Variants in COPG1 observed in about 807,000 individuals in gnomAD.
COPG1 encodes the protein coat protein complex I subunit gamma 1, also known as coatomer subunit gamma-1.
COPG1 carries 29 observed loss-of-function variants against 102.8 expected under a neutral mutation model. The observed-to-expected ratio is 0.28, with a 90% confidence interval of 0.21 to 0.38. COPG1 has a LOEUF of 0.38. Among genes scored for constraint, COPG1 ranks in the 10% least tolerant of loss-of-function variants. The pLI is 1.00. For synonymous variants in COPG1, 406 were observed against 421.6 expected (o/e 0.96, Z 0.45); for missense variants, 875 against 1,132.7 (o/e 0.77, Z 3.27).
chr3:129,250,102 T>C (rs1576957824), intron 1 of COPG1, among the ~76,000 whole-genome samples: 1 of 152,022 alleles, frequency 6.6e-6, no homozygotes, highest in East Asian at 1.9e-4. Context: ...CAAACTGGGG[T>C]GTAACCTGCG....
chr3:129,254,605 G>T, intron 5 of COPG1, 63 bp from the exon 6 acceptor site: 2 of 1,261,038 alleles, frequency 1.6e-6, no homozygotes, highest in Non-Finnish European at 2.3e-6. Context: ...GTGGTGTTGG[G>T]AGCTGGAGAG....
intron 12 of COPG1, 31 bp downstream of exon 12, chr3:129,260,838 C>T (rs1017000619): frequency 1.2e-6 from 2 of 1,605,398 alleles, no homozygotes; most frequent in East Asian, 4.5e-5. Context: ...ACCCACGGCC[C>T]CCAGAGGAAG....
chr3:129,256,190 TCAGG>T (rs775857524), intron 8 of COPG1, 36 bp downstream of exon 8: 6 of 1,585,142 alleles, frequency 3.8e-6, no homozygotes, highest in African/African-American at 1.3e-5. Context: ...TTTAAAACAC[TCAGG>T]CAGGTGGTAA....
At chr3:129,256,238 G>A (rs1380560501) in intron 8 of COPG1, 84 bp downstream of exon 8, 11 of 1,131,896 alleles carry the variant, frequency 9.7e-6, no homozygotes, top group Middle Eastern at 3.9e-4. Flanking sequence ...ACTTGCCACC[G>A]AGATCCTTGT....
At position 129,271,578 on chromosome 3, in the gene COPG1, G is replaced by A. The variant is rs149270093; in HGVS notation, c.1844-189G>A. On this transcript the variant is annotated intron_variant, in intron 18 of 23. Transcript: ENST00000314797. This position sits in a 1 kb window ranked among gnomAD's most constrained non-coding sequence, Gnocchi z 4.7. Reference sequence around the variant, plus strand: ...ATTTGTGGGGGGTTGTGCCACATGAGCGAAGTCAGGGAGATGAGAAAATGC... The same window carrying A: ...ATTTGTGGGGGGTTGTGCCACATGAACGAAGTCAGGGAGATGAGAAAATGC... Among the ~76,000 whole-genome samples the A allele has an allele frequency of 5.1e-3, 784 of 152,282 alleles. 3 individuals carry two copies. Among genetic ancestry groups the A allele is most frequent in the African/African-American group, 0.014 (574 of 41,548 alleles).
At chr3:129,265,470 C>G in intron 13 of COPG1, 79 bp from the exon 14 acceptor site, 1 of 1,535,212 alleles carries the variant, frequency 6.5e-7, no homozygotes, top group Admixed American at 1.9e-5. Context: ...GTTTGGACAA[C>G]TGTCCTTGGT....
intron 7 of COPG1, 63 bp from the exon 8 acceptor site, chr3:129,256,005 G>A: frequency 6.9e-7 from 1 of 1,441,228 alleles, no homozygotes; most frequent in Non-Finnish European, 9.7e-7. Flanking sequence ...GACCAGAACT[G>A]GGCCCAGAAT....
At chr3:129,250,661 C>T in intron 1 of COPG1, 21 bp from the exon 2 acceptor site, 1 of 1,610,578 alleles carries the variant, frequency 6.2e-7, no homozygotes, top group Non-Finnish European at 8.5e-7. Context: ...AACCTACCTT[C>T]TCCATTGTCC....
Position 129,277,601 on chromosome 3 carries a change from C to CTTTTTTTTTTTTTTTTTTTTTTTTTTTTT in COPG1, c.*196_*197insTTTTTTTTTTTTTTTTTTTTTTTTTTTTT, listed in dbSNP as rs35073725. 1 of 290,498 alleles carries CTTTTTTTTTTTTTTTTTTTTTTTTTTTTT rather than the reference C, an allele frequency of 3.4e-6. No individual in the cohort carries two copies. Among genetic ancestry groups the CTTTTTTTTTTTTTTTTTTTTTTTTTTTTT allele is most frequent in the African/African-American group, 2.5e-5 (1 of 40,736 alleles). 18.0% of individuals were successfully genotyped at this position (290,498 alleles called of 1,614,324 possible). ...CCCACCCGGGACTACTTGCTGGTGA[C>CTTTTTTTTTTTTTTTTTTTTTTTTTTTTT]TTTTTTTTTTTTTTTTTTTAAATAG... On this transcript the variant is annotated 3_prime_UTR_variant, in exon 24 of 24. Coordinates refer to ENST00000314797, the MANE Select transcript of COPG1 (RefSeq NM_016128.4).
chr3:129,252,938 C>T lies in COPG1; in HGVS notation c.306C>T (p.Val102=), dbSNP rs1939731040. The change falls in exon 5 of 24, where the codon GTC becomes GTT. Residue 102 remains valine, a synonymous_variant. Coordinates refer to ENST00000314797, the MANE Select transcript of COPG1 (RefSeq NM_016128.4). ...IKEMSCIAED[V]IIVTSSLTKD... is the part of the protein sequence containing the mutation. The stretch of plus-strand genomic sequence containing the variant: ...AGATGTCTTGCATTGCAGAGGATGT[C>T]ATCATTGTCACCAGCAGGCAAGTCA... The T allele has an allele frequency of 6.2e-7, 1 of 1,614,112 alleles. No homozygotes were observed. Among genetic ancestry groups the T allele is most frequent in the Non-Finnish European group, 8.5e-7 (1 of 1,179,982 alleles).
chr3:129,254,498 T>G (rs181612246), intron 5 of COPG1, 170 bp from the exon 6 acceptor site: 19 of 560,984 alleles, frequency 3.4e-5, no homozygotes, highest in Non-Finnish European at 5.1e-5. Flanking sequence ...TTGAGTCTTA[T>G]GAAACTCCCT....
chr3:129,265,295 A>G (rs1466959358), intron 13 of COPG1, among the ~76,000 whole-genome samples: 1 of 150,212 alleles, frequency 6.7e-6, no homozygotes, highest in East Asian at 2.0e-4. Context: ...TCTCTCCATG[A>G]TGCCCAGGCT....
rs979168958 is a variant in COPG1 at position 129,275,812 on chromosome 3, G to A, written c.2494+520G>A. On this transcript the variant is annotated intron_variant, in intron 23 of 23. Coordinates refer to ENST00000314797, the MANE Select transcript of COPG1 (RefSeq NM_016128.4). The surrounding 1 kb of genome is among the most constrained non-coding windows in gnomAD (Gnocchi z 5.0). ...AAACTATGACCACCATCCATCTCCA[G>A]AACTTTTTTCATCCCAAACTGAATC... Among the ~76,000 whole-genome samples the A allele has an allele frequency of 2.0e-5, 3 of 152,150 alleles. No individual in the cohort carries two copies. The highest frequency in any genetic ancestry group is 7.2e-5 in the African/African-American group (3 of 41,418).
intron 20 of COPG1, 133 bp downstream of exon 20, chr3:129,272,548 T>G: frequency 2.6e-6 from 2 of 780,316 alleles, no homozygotes; most frequent in Non-Finnish European, 4.1e-6. Context: ...AGAAGAAGAA[T>G]AGCTGAGTCC....
At chr3:129,257,440 T>C (rs774086910) in intron 8 of COPG1, 30 bp from the exon 9 acceptor site, 1 of 1,612,928 alleles carries the variant, frequency 6.2e-7, no homozygotes, top group African/African-American at 1.3e-5. Flanking sequence ...GTCATACATT[T>C]GTACTCTGTT....
chr3:129,277,250 G>A, intron 23 of COPG1, 44 bp from the exon 24 acceptor site: 1 of 1,609,962 alleles, frequency 6.2e-7, no homozygotes, highest in Non-Finnish European at 8.5e-7. Flanking sequence ...GCCCTGTACA[G>A]TCCCTTCTGC....
chr3:129,277,521 G>T lies in COPG1; in HGVS notation c.*97G>T. On this transcript the variant is annotated 3_prime_UTR_variant, in exon 24 of 24. Coordinates refer to ENST00000314797, the MANE Select transcript of COPG1 (RefSeq NM_016128.4). Reference sequence around the variant, plus strand: ...GGCAGAAACCCCTTCCCAAGCTTCTGTATTGAAAAACAATTAGGAATCATT... The same window carrying T: ...GGCAGAAACCCCTTCCCAAGCTTCTTTATTGAAAAACAATTAGGAATCATT... 7 of 1,281,556 alleles carry T rather than the reference G, an allele frequency of 5.5e-6. No homozygotes were observed. Among genetic ancestry groups the T allele is most frequent in the African/African-American group, 1.5e-5 (1 of 66,502 alleles). 79.4% of individuals were successfully genotyped at this position (1,281,556 alleles called of 1,614,324 possible).
At position 129,275,209 on chromosome 3, in the gene COPG1, T is replaced by A; in HGVS notation, c.2411T>A (p.Ile804Asn). The change falls in exon 23 of 24, where the codon ATT becomes AAT. Residue 804 changes from isoleucine (I) to asparagine (N), a missense_variant. Ile to Asn is a moderately radical substitution (Grantham distance 149, BLOSUM62 -3). Coordinates refer to ENST00000314797, the MANE Select transcript of COPG1 (RefSeq NM_016128.4). The surrounding 1 kb of genome is among the most constrained non-coding windows in gnomAD (Gnocchi z 5.0). ...CTCATTACAGAGGCTGTGGGTAATA[T>A]TGTGAAGTTCTTGGGAATGCACCCT... ...IKTLEEAVGN[I>N]VKFLGMHPCE... 1 of 1,614,138 alleles carries A rather than the reference T, an allele frequency of 6.2e-7. No homozygotes were observed. The highest frequency in any genetic ancestry group is 8.5e-7 in the Non-Finnish European group (1 of 1,179,970).
chr3:129,250,892 A>T, intron 2 of COPG1, 158 bp downstream of exon 2: 3 of 398,302 alleles, frequency 7.5e-6, no homozygotes, highest in East Asian at 7.0e-5. Context: ...GTTTCTGGAG[A>T]GAGTTAGTTA....
Sources: allele counts gnomAD v4.1 joint callset (sites outside exome capture counted in the v4.1 genomes callset), GRCh38; gene constraint gnomAD v4.1.1; non-coding constraint Gnocchi (gnomAD v3.1); transcripts MANE v1.5; gene names NCBI Gene and HGNC (gene_info 2026-07-23, HGNC 2026-07-21).